SMPD3: variants seen among roughly 807,000 people sequenced by gnomAD.
SMPD3 encodes sphingomyelin phosphodiesterase 3, also known as nSMase-2.
A neutral mutation model predicts 55.7 loss-of-function variants in SMPD3; 21 were observed. That is an observed-to-expected ratio of 0.38 (90% CI 0.27 to 0.54). The LOEUF (loss-of-function observed/expected upper bound fraction) is 0.54. Ranked by LOEUF, SMPD3 falls within the 20% of genes least tolerant of loss-of-function variation. The probability of loss-of-function intolerance (pLI) is 0.80; values close to 1 mark genes in which losing one functional copy is unlikely to be tolerated. For missense variants in SMPD3, 842 were observed against 899.6 expected, an observed-to-expected ratio of 0.94 and a Z score of 0.82; for synonymous variants, 457 against 404.3, an observed-to-expected ratio of 1.13 and a Z score of -1.56.
At chr16:68,397,972 A>G (rs1293530567) in intron 1 of SMPD3, among the ~76,000 whole-genome samples, 3 of 151,270 alleles carry the variant, frequency 2.0e-5, no homozygotes, top group African/African-American at 4.9e-5. Flanking sequence ...CACAGGGAGG[A>G]ATATGCCCCA....
intron 2 of SMPD3, among the ~76,000 whole-genome samples, chr16:68,379,967 C>A (rs1178004200): frequency 2.0e-5 from 3 of 152,238 alleles, no homozygotes; most frequent in African/African-American, 4.8e-5. Context: ...AACAGCAGGA[C>A]CCCTGGGTCC....
chr16:68,390,708 C>T (rs1028466302), intron 1 of SMPD3, among the ~76,000 whole-genome samples: 2 of 152,126 alleles, frequency 1.3e-5, no homozygotes, highest in African/African-American at 4.8e-5. Flanking sequence ...GGGAATGCAG[C>T]CCAGCACGTC....
chr16:68,423,758 C>T (rs1308968898), intron 1 of SMPD3, among the ~76,000 whole-genome samples: 1 of 152,134 alleles, frequency 6.6e-6, no homozygotes, highest in Non-Finnish European at 1.5e-5. Flanking sequence ...TTTTACCCAC[C>T]AGCAGGTACT....
At chr16:68,366,381 T>G (rs1157359703) in intron 3 of SMPD3, among the ~76,000 whole-genome samples, 1 of 152,180 alleles carries the variant, frequency 6.6e-6, no homozygotes, top group Non-Finnish European at 1.5e-5. Context: ...TGCACAGCCT[T>G]CCTTCCCCAG....
rs150798573 is a variant in SMPD3 at position 68,400,202 on chromosome 16, C to T, written c.-268-13543G>A. Among the ~76,000 whole-genome samples, 553 of 152,338 alleles carry T rather than the reference C, an allele frequency of 3.6e-3. 6 individuals carry two copies. Among genetic ancestry groups the T allele is most frequent in the African/African-American group, 0.012 (512 of 41,576 alleles). On this transcript the variant is annotated intron_variant, in intron 1 of 8. Coordinates refer to ENST00000219334, the MANE Select transcript of SMPD3 (RefSeq NM_018667.4). ...AGTGGCCTCTAGAAGGAACCACCCT[C>T]AAATACGTGTCGGGGGTGATGTGGT...
At chr16:68,436,041 C>T (rs1223030443) in intron 1 of SMPD3, among the ~76,000 whole-genome samples, 1 of 152,146 alleles carries the variant, frequency 6.6e-6, no homozygotes, top group Non-Finnish European at 1.5e-5. Flanking sequence ...AAAACAAGTG[C>T]CGAGGAGGTC....
chr16:68,387,582 C>T (rs900745201), intron 1 of SMPD3, among the ~76,000 whole-genome samples: 4 of 152,222 alleles, frequency 2.6e-5, no homozygotes, highest in Non-Finnish European at 4.4e-5. Context: ...ACTAATCTGC[C>T]GAATCCTTGG....
intron 2 of SMPD3, among the ~76,000 whole-genome samples, chr16:68,380,774 C>G (rs986509792): frequency 7.2e-5 from 11 of 152,236 alleles, no homozygotes; most frequent in African/African-American, 2.7e-4. Flanking sequence ...GAGGGGATGA[C>G]AGCATACTGT....
intron 2 of SMPD3, among the ~76,000 whole-genome samples, chr16:68,383,796 C>T (rs1012489184): frequency 6.6e-6 from 1 of 152,212 alleles, no homozygotes; most frequent in Non-Finnish European, 1.5e-5. Context: ...CCTCCCCCCA[C>T]TTCCCCACAT....
intron 3 of SMPD3, chr16:68,367,553 GTGTCACC>G (rs1404146686): frequency 6.6e-6 from 1 of 152,274 alleles, no homozygotes; most frequent in Non-Finnish European, 1.5e-5. Context: ...CCAACACTTG[GTGTCACC>G]TGCCCCGCGC....
intron 1 of SMPD3, among the ~76,000 whole-genome samples, chr16:68,425,745 C>T (rs1276024497): frequency 6.6e-6 from 1 of 152,112 alleles, no homozygotes; most frequent in African/African-American, 2.4e-5. Flanking sequence ...AGCAAGATAT[C>T]CGGCCTCGGG....
intron 1 of SMPD3, among the ~76,000 whole-genome samples, chr16:68,400,373 C>T (rs1011279907): frequency 6.6e-6 from 1 of 152,010 alleles, no homozygotes; most frequent in Admixed American, 6.5e-5. Flanking sequence ...TATGGATTAG[C>T]TTGGTGACCA....
At position 68,372,218 on chromosome 16, in the gene SMPD3, TG is replaced by T; in HGVS notation, c.-38del. 1 of 1,597,378 alleles carries T rather than the reference TG, an allele frequency of 6.3e-7. No homozygotes were observed. The highest frequency in any genetic ancestry group is 8.5e-7 in the Non-Finnish European group (1 of 1,173,502). On this transcript the variant is annotated 5_prime_UTR_variant, in exon 3 of 9. Transcript: ENST00000219334. ...GGGCGCCGCAGCCGGCCCTACTACATGGTGTCCGTGGCAGCTGCGGGCACTT... is the reference window on the plus strand; with the variant it reads ...GGGCGCCGCAGCCGGCCCTACTACATGTGTCCGTGGCAGCTGCGGGCACTT...
intron 1 of SMPD3, among the ~76,000 whole-genome samples, chr16:68,444,833 G>A (rs1319286822): frequency 6.6e-6 from 1 of 152,218 alleles, no homozygotes; most frequent in Non-Finnish European, 1.5e-5. Context: ...ACCATATGCA[G>A]TCACCTTCCA....
In SMPD3 at chr16:68,359,315, C is replaced by T. The variant is rs955788869; in HGVS notation, c.*1891G>A. Reference sequence around the variant, plus strand: ...CCCAGTCAAGGCTCACAGGCCAGCCCCTTGGAGGGGTGGGCCGGGCAGAGA... The same window carrying T: ...CCCAGTCAAGGCTCACAGGCCAGCCTCTTGGAGGGGTGGGCCGGGCAGAGA... On this transcript the variant is annotated 3_prime_UTR_variant, in exon 9 of 9. Coordinates refer to ENST00000219334, the MANE Select transcript of SMPD3 (RefSeq NM_018667.4). 2 of 152,464 alleles carry T rather than the reference C, an allele frequency of 1.3e-5. No individual in the cohort carries two copies. Among genetic ancestry groups the T allele is most frequent in the African/African-American group, 4.8e-5 (2 of 41,458 alleles). 9.4% of individuals were successfully genotyped at this position (152,464 alleles called of 1,614,324 possible).
intron 1 of SMPD3, among the ~76,000 whole-genome samples, chr16:68,402,315 C>T (rs1567801420): frequency 6.6e-6 from 1 of 152,146 alleles, no homozygotes; most frequent in Non-Finnish European, 1.5e-5. Flanking sequence ...GGGGCTGCAT[C>T]TGGGTGCTGA....
At chr16:68,424,141 C>A (rs1045520451) in intron 1 of SMPD3, among the ~76,000 whole-genome samples, 1 of 149,698 alleles carries the variant, frequency 6.7e-6, no homozygotes, top group African/African-American at 2.4e-5. Flanking sequence ...CCTGGCTAAG[C>A]CTGCCCTGGT....
chr16:68,384,555 A>T (rs1485715503), intron 2 of SMPD3, among the ~76,000 whole-genome samples: 1 of 152,098 alleles, frequency 6.6e-6, no homozygotes, highest in East Asian at 1.9e-4. Context: ...CCATCCTTCA[A>T]AGCAGAAGGA....
intron 5 of SMPD3, chr16:68,364,300 CTA>C (rs896481203): frequency 1.3e-5 from 3 of 227,442 alleles, no homozygotes; most frequent in Non-Finnish European, 2.6e-5. Context: ...CACTGCCTGG[CTA>C]TGTGACCTTG....
Sources: allele counts gnomAD v4.1 joint callset (sites outside exome capture counted in the v4.1 genomes callset), GRCh38; gene constraint gnomAD v4.1.1; transcripts MANE v1.5; gene names NCBI Gene and HGNC (gene_info 2026-07-23, HGNC 2026-07-21).